The following GTF2H1 variants were observed in gnomAD, a reference collection of about 807,000 sequenced individuals.
The protein encoded by GTF2H1 is general transcription factor IIH subunit 1.
Under a neutral mutation model 71.2 loss-of-function variants are expected in GTF2H1, and 16 were observed. The observed-to-expected ratio is 0.22, with a 90% CI of 0.15 to 0.34. The LOEUF is 0.34. GTF2H1 is among the 10% of genes least tolerant of loss of function. The pLI is 1.00. For missense variants in GTF2H1, 498 were observed against 648.2 expected (o/e 0.77, Z 2.52); for synonymous variants, 215 against 219.0 (o/e 0.98, Z 0.16).
intron 2 of GTF2H1, among the ~76,000 whole-genome samples, chr11:18,334,763 G>GA (rs1302768172): frequency 3.3e-5 from 5 of 152,118 alleles, no homozygotes; most frequent in African/African-American, 1.2e-4. Context: ...ATGATACAGT[G>GA]AAAACCTACG....
rs538238385 is a variant in GTF2H1, at chr11:18,325,671, A to G, written c.-16+2931A>G. ...TTAGCTGGTAACTTTGAAGCTTAAC[A>G]TAGACTGAAAAAAAAAATGAGTGAA... On this transcript the variant is annotated intron_variant, in intron 1 of 14. Transcript: ENST00000265963. Among the ~76,000 whole-genome samples, 13 of 151,304 alleles carry G rather than the reference A, an allele frequency of 8.6e-5. No homozygotes were observed. In the South Asian group the frequency reaches 2.7e-3, roughly 31 times the overall value.
intron 1 of GTF2H1, among the ~76,000 whole-genome samples, chr11:18,329,227 T>G (rs1213990536): frequency 6.6e-6 from 1 of 152,242 alleles, no homozygotes; most frequent in Non-Finnish European, 1.5e-5. Flanking sequence ...CTAATCGGGC[T>G]TTATTCCAGC....
At position 18,344,075 on chromosome 11, in the gene GTF2H1, T is replaced by A. The variant is rs573072083; in HGVS notation, c.837+2468T>A. On this transcript the variant is annotated intron_variant, in intron 7 of 14. Transcript: ENST00000265963. ...CCTGGGCTCAAGCTATTTTTCCACC[T>A]CGGCCTCCTAAAGTGCTGAGATTAC... is the stretch of plus-strand genomic sequence containing the variant. Among the ~76,000 whole-genome samples the A allele has an allele frequency of 2.9e-4, 44 of 152,222 alleles. No individual in the cohort carries two copies. In the South Asian group the frequency reaches 7.1e-3, roughly 24 times the overall value.
intron 1 of GTF2H1, among the ~76,000 whole-genome samples, chr11:18,330,228 C>T (rs1261438307): frequency 6.6e-6 from 1 of 152,140 alleles, no homozygotes; most frequent in Non-Finnish European, 1.5e-5. Context: ...CCTCTTGAGT[C>T]CTAACTTGGA....
chr11:18,331,784 T>G (rs534163426), intron 1 of GTF2H1, among the ~76,000 whole-genome samples: 1 of 152,288 alleles, frequency 6.6e-6, no homozygotes, highest in Admixed American at 6.5e-5. Context: ...TTCCTAATAC[T>G]TATTTTCCCA....
At chr11:18,341,477 T>C (rs1313550911) in intron 6 of GTF2H1, 51 bp from the exon 7 acceptor site, 2 of 1,604,878 alleles carry the variant, frequency 1.2e-6, no homozygotes, top group African/African-American at 1.3e-5. Flanking sequence ...TAAGTGTTAA[T>C]TTCTGAGACA....
At chr11:18,325,595 A>G (rs1864744169) in intron 1 of GTF2H1, among the ~76,000 whole-genome samples, 1 of 152,228 alleles carries the variant, frequency 6.6e-6, no homozygotes. Flanking sequence ...TAAAAGAATC[A>G]CATTAAAAAT....
chr11:18,336,489 C>T (rs775615321), intron 3 of GTF2H1, among the ~76,000 whole-genome samples: 1 of 152,074 alleles, frequency 6.6e-6, no homozygotes, highest in Non-Finnish European at 1.5e-5. Flanking sequence ...AGTGTCTTTA[C>T]CTTGGTGTTT....
chr11:18,336,016 T>TAACAAGC, intron 3 of GTF2H1, 70 bp downstream of exon 3: 3 of 1,045,718 alleles, frequency 2.9e-6, no homozygotes, highest in Non-Finnish European at 2.7e-6. Flanking sequence ...TGCTAATAGC[T>TAACAAGC]TGTTAGCTAT....
chr11:18,326,445 C>T (rs952263363), intron 1 of GTF2H1, among the ~76,000 whole-genome samples: 1 of 152,026 alleles, frequency 6.6e-6, no homozygotes, highest in Non-Finnish European at 1.5e-5. Flanking sequence ...TCGCTTGAAT[C>T]CGGGAGGTGG....
intron 3 of GTF2H1, among the ~76,000 whole-genome samples, chr11:18,337,871 G>A (rs1328140265): frequency 6.6e-6 from 1 of 152,116 alleles, no homozygotes; most frequent in Non-Finnish European, 1.5e-5. Flanking sequence ...TCCTCAAAGG[G>A]TTTAATCTTT....
At chr11:18,328,653 C>T (rs933324835) in intron 1 of GTF2H1, among the ~76,000 whole-genome samples, 1 of 151,836 alleles carries the variant, frequency 6.6e-6, no homozygotes, top group African/African-American at 2.4e-5. Context: ...GGCGAAACTC[C>T]ATCTCTACTA....
At chr11:18,325,514 A>G (rs1196521965) in intron 1 of GTF2H1, among the ~76,000 whole-genome samples, 3 of 152,262 alleles carry the variant, frequency 2.0e-5, no homozygotes, top group Non-Finnish European at 2.9e-5. Flanking sequence ...GTGCTATATT[A>G]CAGAGAACCC....
intron 1 of GTF2H1, among the ~76,000 whole-genome samples, chr11:18,327,449 C>T (rs1376829165): frequency 6.6e-6 from 1 of 152,182 alleles, no homozygotes; most frequent in African/African-American, 2.4e-5. Flanking sequence ...TGCTACTTCC[C>T]TGATGGTTTA....
intron 1 of GTF2H1, among the ~76,000 whole-genome samples, chr11:18,330,252 C>T (rs905579838): frequency 6.6e-6 from 1 of 151,990 alleles, no homozygotes; most frequent in Admixed American, 6.6e-5. Flanking sequence ...TTTTTGTGTC[C>T]CTTTTGGGAC....
At chr11:18,336,359 C>G (rs1004466588) in intron 3 of GTF2H1, among the ~76,000 whole-genome samples, 1 of 151,790 alleles carries the variant, frequency 6.6e-6, no homozygotes, top group Non-Finnish European at 1.5e-5. Flanking sequence ...ACTTCCTGAC[C>G]GCCAGTGATC....
At position 18,352,435 on chromosome 11, in the gene GTF2H1, A is replaced by AAGTCACCTACCTG; in HGVS notation, c.1252_1253insCACCTACCTGAGT (p.Leu418SerfsTer4). ...ACAAGAAATGGAAGCTTATACACCC[A>AAGTCACCTACCTG]AGTTAACTCAGGTAGGTGACTTCTA... On this transcript the variant is annotated stop_gained and frameshift_variant, in exon 11 of 15. Transcript: ENST00000265963. LOFTEE classifies it high-confidence loss of function. The AAGTCACCTACCTG allele has an allele frequency of 7.4e-7, 1 of 1,348,110 alleles. No homozygotes were observed. The highest frequency in any genetic ancestry group is 1.1e-6 in the Non-Finnish European group (1 of 938,204). The allele number at this position is 1,348,110 out of a possible 1,614,324, so 83.5% of individuals were successfully genotyped here. A position where few individuals can be genotyped will look rare whatever the true frequency, so the allele number is the denominator to read the frequency against.
rs138387189 is a variant in GTF2H1 at position 18,365,866 on chromosome 11, G to C, written c.1644G>C (p.Thr548=). 2.5e-6 allele frequency: 4 copies of C among 1,609,404 alleles called. No homozygotes were observed. Among genetic ancestry groups the C allele is most frequent in the Non-Finnish European group, 3.4e-6 (4 of 1,175,940 alleles). Residue 548 remains threonine (T), a synonymous_variant, in exon 15 of 15, where the codon ACG becomes ACC. Transcript: ENST00000265963. The part of the protein sequence containing the change: ...TWQSRRLMKK[T] ...AGTCACGGCGTCTGATGAAGAAAAC[G>C]TGAGGTGGCCATGATGCTTACAGGT... is the stretch of plus-strand genomic sequence containing the variant.
intron 1 of GTF2H1, among the ~76,000 whole-genome samples, chr11:18,328,046 AC>A (rs1232737711): frequency 6.6e-6 from 1 of 151,958 alleles, no homozygotes; most frequent in Admixed American, 6.6e-5. Context: ...TACTAAACAT[AC>A]AAAAATTAGC....
Sources: allele counts gnomAD v4.1 joint callset (sites outside exome capture counted in the v4.1 genomes callset), GRCh38; gene constraint gnomAD v4.1.1; transcripts MANE v1.5; gene names NCBI Gene and HGNC (gene_info 2026-07-23, HGNC 2026-07-21).